Variants in NCKAP1 observed in about 807,000 individuals in gnomAD.
The protein encoded by NCKAP1 is nck-associated protein 1.
A neutral mutation model predicts 151.2 loss-of-function variants in NCKAP1; 21 were observed. The ratio of observed to expected loss-of-function variants is 0.14; its 90% confidence interval spans 0.10 to 0.20. The LOEUF (loss-of-function observed/expected upper bound fraction) is 0.20, where lower values mean the gene tolerates loss of function less well. Ranked by LOEUF, NCKAP1 falls within the 10% of genes least tolerant of loss-of-function variation. The pLI, the probability that NCKAP1 is intolerant of heterozygous loss-of-function variation, is 1.00. For missense variants in NCKAP1, 933 were observed against 1,352.1 expected (o/e 0.69, Z 4.86); for synonymous variants, 484 against 451.8 (o/e 1.07, Z -0.90).
At chr2:182,962,353 C>T (rs981416516) in intron 17 of NCKAP1, 75 bp from the exon 18 acceptor site, 3 of 1,369,468 alleles carry the variant, frequency 2.2e-6, no homozygotes, top group Admixed American at 2.5e-5. Context: ...TCTAAATAGA[C>T]ATGGAAAATT....
intron 15 of NCKAP1, among the ~76,000 whole-genome samples, chr2:182,975,035 C>G (rs1309027253): frequency 6.6e-6 from 1 of 152,026 alleles, no homozygotes. Context: ...TTCTCTGAGC[C>G]CAAGTATTGG....
chr2:182,953,160 A>T lies in NCKAP1; in HGVS notation c.2325T>A (p.His775Gln). The change falls in exon 21 of 31, where the codon CAT (histidine) becomes CAA (glutamine). Residue 775 changes from histidine to glutamine, a missense_variant. This residue lies in a region of NCKAP1 where 326 missense variants were observed against 557.1 expected (regional missense o/e 0.59). Coordinates refer to ENST00000361354, the MANE Select transcript of NCKAP1 (RefSeq NM_013436.5). ...TGGTTGGCTCTCCATGACTGTCTAA[A>T]TGTTGTGTTTGTTGAAGAAGCACAT... is the stretch of plus-strand genomic sequence containing the variant. ...FNNVLLQQTQHLDSHGEPTIT... is the reference protein window; with the variant it reads ...FNNVLLQQTQQLDSHGEPTIT... 6.2e-7 allele frequency: 1 copy of T among 1,613,604 alleles called. No homozygotes were observed. Among genetic ancestry groups the T allele is most frequent in the South Asian group, 1.1e-5 (1 of 91,050 alleles).
chr2:183,035,906 G>A (rs542844590), intron 1 of NCKAP1, among the ~76,000 whole-genome samples: 1 of 152,190 alleles, frequency 6.6e-6, no homozygotes, highest in South Asian at 2.1e-4. Context: ...AAATACTCTA[G>A]TATTTCAAAA....
intron 1 of NCKAP1, among the ~76,000 whole-genome samples, chr2:183,029,010 G>A (rs1049012589): frequency 4.0e-5 from 6 of 151,600 alleles, no homozygotes; most frequent in African/African-American, 1.2e-4. Flanking sequence ...CCAGCTACTC[G>A]GGAGGCTGAG....
At chr2:183,037,891 A>T (rs987072860) in intron 1 of NCKAP1, 101 bp downstream of exon 1, 1 of 882,216 alleles carries the variant, frequency 1.1e-6, no homozygotes, top group Non-Finnish European at 1.6e-6. Flanking sequence ...CGAGATTTCT[A>T]CACCCGGCGC....
At chr2:182,973,507 G>A (rs1463403247) in intron 15 of NCKAP1, among the ~76,000 whole-genome samples, 1 of 152,030 alleles carries the variant, frequency 6.6e-6, no homozygotes, top group East Asian at 1.9e-4. Flanking sequence ...AAAGGACAGA[G>A]AAAGATGAAA....
At chr2:182,926,439 TA>T (rs1696649947) in intron 30 of NCKAP1, among the ~76,000 whole-genome samples, 1 of 151,906 alleles carries the variant, frequency 6.6e-6, no homozygotes, top group South Asian at 2.1e-4. Context: ...GGGAAGTGAC[TA>T]GGCACAGAGA....
intron 16 of NCKAP1, 111 bp downstream of exon 16, chr2:182,967,105 A>C: frequency 1.1e-6 from 1 of 947,790 alleles, no homozygotes; most frequent in Non-Finnish European, 1.5e-6. Flanking sequence ...TTTATTCTTA[A>C]GGATCTATTA....
At chr2:182,958,728 C>A (rs2105828883) in intron 18 of NCKAP1, among the ~76,000 whole-genome samples, 1 of 152,184 alleles carries the variant, frequency 6.6e-6, no homozygotes, top group East Asian at 1.9e-4. Context: ...AACAAAAAAA[C>A]CACACAGGTA....
chr2:183,035,416 TG>T (rs1699083750), intron 1 of NCKAP1, among the ~76,000 whole-genome samples: 1 of 152,184 alleles, frequency 6.6e-6, no homozygotes. Flanking sequence ...TCATTTCCAC[TG>T]TATACTTCCA....
intron 20 of NCKAP1, among the ~76,000 whole-genome samples, chr2:182,956,131 C>G (rs2105826065): frequency 6.6e-6 from 1 of 152,252 alleles, no homozygotes; most frequent in South Asian, 2.1e-4. Flanking sequence ...AAGTGTGTCT[C>G]CCGGGTTCAC....
intron 23 of NCKAP1, among the ~76,000 whole-genome samples, chr2:182,951,275 T>C (rs1023128461): frequency 1.3e-5 from 2 of 152,246 alleles, no homozygotes; most frequent in East Asian, 3.9e-4. Context: ...TTCTATATAT[T>C]TGCTCAATTT....
At chr2:182,976,404 G>C (rs1226648362) in intron 15 of NCKAP1, among the ~76,000 whole-genome samples, 2 of 152,162 alleles carry the variant, frequency 1.3e-5, no homozygotes, top group African/African-American at 4.8e-5. Context: ...TTTATAAATA[G>C]TTTTACTGGA....
intron 16 of NCKAP1, among the ~76,000 whole-genome samples, chr2:182,966,233 G>A (rs1436198966): frequency 6.6e-6 from 1 of 152,014 alleles, no homozygotes; most frequent in Non-Finnish European, 1.5e-5. Flanking sequence ...AAATAGAGTT[G>A]ATATTATATA....
intron 1 of NCKAP1, among the ~76,000 whole-genome samples, chr2:183,032,601 T>C (rs1699025519): frequency 6.6e-6 from 1 of 152,204 alleles, no homozygotes; most frequent in Non-Finnish European, 1.5e-5. Context: ...AATACAGTGT[T>C]ATCTTATGGG....
At chr2:182,935,668 A>G (rs1203172589) in intron 24 of NCKAP1, among the ~76,000 whole-genome samples, 1 of 151,810 alleles carries the variant, frequency 6.6e-6, no homozygotes, top group Non-Finnish European at 1.5e-5. Context: ...TTTATAATAT[A>G]ACTTTATATA....
intron 8 of NCKAP1, among the ~76,000 whole-genome samples, chr2:182,989,816 A>G (rs1385540851): frequency 6.6e-6 from 1 of 152,080 alleles, no homozygotes; most frequent in South Asian, 2.1e-4. Flanking sequence ...CCTGACCAAC[A>G]TGGTGAAATC....
rs757256593 is a variant in NCKAP1 at position 182,909,197 on chromosome 2, C to T, written c.*16505G>A. On this transcript the variant is annotated 3_prime_UTR_variant, in exon 31 of 31. Coordinates refer to ENST00000361354, the MANE Select transcript of NCKAP1 (RefSeq NM_013436.5). The stretch of plus-strand genomic sequence containing the variant: ...TTTTGATCTGGAAATAGGTTCAATA[C>T]ACATTATATCAAATTTACCGTTTCA... 5.3e-5 allele frequency: 8 copies of T among 152,144 alleles called. No homozygotes were observed. Among genetic ancestry groups the T allele is most frequent in the Non-Finnish European group, 7.4e-5 (5 of 68,022 alleles). 9.4% of individuals were successfully genotyped at this position (152,144 alleles called of 1,614,324 possible).
chr2:182,959,539 C>G (rs1697397152), intron 18 of NCKAP1, among the ~76,000 whole-genome samples: 1 of 152,120 alleles, frequency 6.6e-6, no homozygotes, highest in African/African-American at 2.4e-5. Context: ...ATTCAACAGC[C>G]CTTTATGCTA....
Sources: gnomAD v4.1 joint callset for allele counts (sites outside exome capture counted in the v4.1 genomes callset) on GRCh38, gnomAD v4.1.1 for gene constraint, gnomAD v4.1.1 regional missense constraint, MANE v1.5 for transcripts, NCBI Gene and HGNC (gene_info 2026-07-23, HGNC 2026-07-21) for gene names.